The following NPAS3 variants were observed in gnomAD, a reference collection of about 807,000 sequenced individuals.
The protein encoded by NPAS3 is neuronal PAS domain protein 3.
In NPAS3, 14 loss-of-function variants were observed where a neutral mutation model predicts 73.1. That is an observed-to-expected ratio of 0.19 (90% CI 0.13 to 0.30). The LOEUF (loss-of-function observed/expected upper bound fraction) is 0.30. NPAS3 is among the 10% of genes least tolerant of loss of function. NPAS3 has a pLI of 1.00. For synonymous variants in NPAS3, 620 were observed against 541.5 expected (o/e 1.14, Z -2.01); for missense variants, 1,096 against 1,250.0 (o/e 0.88, Z 1.86).
chr14:32,967,871 A>G (rs530833275), intron 1 of NPAS3, among the ~76,000 whole-genome samples: 1 of 151,988 alleles, frequency 6.6e-6, no homozygotes, highest in African/African-American at 2.4e-5. Flanking sequence ...TATGTTGAGG[A>G]GATATCATTG....
At chr14:33,794,289 G>A (rs1258366929) in intron 10 of NPAS3, among the ~76,000 whole-genome samples, 2 of 152,136 alleles carry the variant, frequency 1.3e-5, no homozygotes, top group Non-Finnish European at 2.9e-5. Flanking sequence ...GTCAACATTT[G>A]GGCATCTCTG....
intron 3 of NPAS3, among the ~76,000 whole-genome samples, chr14:33,331,177 G>A (rs1297166642): frequency 3.3e-5 from 5 of 152,086 alleles, no homozygotes; most frequent in African/African-American, 9.7e-5. Flanking sequence ...CATCAGTACC[G>A]AGACATTTTT....
chr14:33,555,175 A>G (rs2055297365), intron 4 of NPAS3, among the ~76,000 whole-genome samples: 1 of 152,186 alleles, frequency 6.6e-6, no homozygotes, highest in Non-Finnish European at 1.5e-5. Context: ...GTCTTGATAA[A>G]TCAGATACTT....
rs1233169102 is a variant in NPAS3, at chr14:33,660,041, G to C, written c.559-16170G>C. ...TGTTCCACATGGAAGAAATGCATGAGAACAGTAAAGTGTATGCATATCACA... is the reference window on the plus strand; with the variant it reads ...TGTTCCACATGGAAGAAATGCATGACAACAGTAAAGTGTATGCATATCACA... On this transcript the variant is annotated intron_variant, in intron 5 of 11. Transcript: ENST00000356141. Among the ~76,000 whole-genome samples, 8 of 152,098 alleles carry C rather than the reference G, an allele frequency of 5.3e-5. 1 individual carries two copies. In the East Asian group the frequency reaches 1.5e-3, roughly 29 times the overall value.
At chr14:33,643,163 A>T (rs561771593) in intron 5 of NPAS3, among the ~76,000 whole-genome samples, 2 of 152,228 alleles carry the variant, frequency 1.3e-5, no homozygotes, top group East Asian at 3.9e-4. Flanking sequence ...TAGTGGTCAC[A>T]TTAGTCTTGT....
At chr14:33,474,380 A>G (rs1647176121) in intron 4 of NPAS3, among the ~76,000 whole-genome samples, 1 of 152,192 alleles carries the variant, frequency 6.6e-6, no homozygotes, top group Non-Finnish European at 1.5e-5. Flanking sequence ...CAGTATGTTT[A>G]GTAAAAATAA....
chr14:33,107,158 T>C (rs1399249872), intron 2 of NPAS3, among the ~76,000 whole-genome samples: 1 of 152,160 alleles, frequency 6.6e-6, no homozygotes, highest in Non-Finnish European at 1.5e-5. Context: ...TTCTTGTGAC[T>C]TCTTTCTTGG....
chr14:33,714,775 A>G (rs1001951278), intron 6 of NPAS3, among the ~76,000 whole-genome samples: 5 of 152,174 alleles, frequency 3.3e-5, no homozygotes, highest in African/African-American at 1.2e-4. Context: ...CTGTCATCCA[A>G]TGATCCCATA....
chr14:33,473,011 A>G (rs2050857447), intron 4 of NPAS3, among the ~76,000 whole-genome samples: 1 of 143,452 alleles, frequency 7.0e-6, no homozygotes, highest in Non-Finnish European at 1.5e-5. Flanking sequence ...GGGGAACTGT[A>G]AGCATGTTTG....
intron 4 of NPAS3, among the ~76,000 whole-genome samples, chr14:33,538,013 C>CG (rs1238520328): frequency 1.3e-5 from 2 of 151,862 alleles, no homozygotes; most frequent in Admixed American, 1.3e-4. Context: ...AGCTAAGCAT[C>CG]GGGTTGTGGT....
At chr14:32,976,431 G>T (rs758675407) in intron 1 of NPAS3, among the ~76,000 whole-genome samples, 2 of 152,098 alleles carry the variant, frequency 1.3e-5, no homozygotes, top group Non-Finnish European at 2.9e-5. Context: ...TTTTTTATTT[G>T]TGTTTTGTCA....
At chr14:33,531,802 T>A (rs537919362) in intron 4 of NPAS3, among the ~76,000 whole-genome samples, 3 of 152,256 alleles carry the variant, frequency 2.0e-5, no homozygotes, top group African/African-American at 7.2e-5. Flanking sequence ...TCCCATCAAG[T>A]GTTATTCTGC....
intron 2 of NPAS3, among the ~76,000 whole-genome samples, chr14:33,169,189 G>T (rs1336253925): frequency 6.6e-6 from 1 of 152,152 alleles, no homozygotes; most frequent in Non-Finnish European, 1.5e-5. Flanking sequence ...GCCACATTTT[G>T]TTCACTGCCA....
intron 4 of NPAS3, among the ~76,000 whole-genome samples, chr14:33,427,479 C>T (rs2048603970): frequency 6.6e-6 from 1 of 151,478 alleles, no homozygotes; most frequent in South Asian, 2.1e-4. Context: ...CATCTGTCGT[C>T]GACTTCTTTT....
intron 4 of NPAS3, among the ~76,000 whole-genome samples, chr14:33,386,556 A>C (rs1312661481): frequency 6.6e-6 from 1 of 151,790 alleles, no homozygotes; most frequent in Non-Finnish European, 1.5e-5. Flanking sequence ...TGAAATCATC[A>C]GTTCCTAATG....
At chr14:32,977,722 A>G (rs925066001) in intron 1 of NPAS3, among the ~76,000 whole-genome samples, 2 of 152,150 alleles carry the variant, frequency 1.3e-5, no homozygotes, top group African/African-American at 4.8e-5. Flanking sequence ...ACAGCAAGAC[A>G]CTGTCTCTAA....
At chr14:32,983,955 C>T (rs576344813) in intron 1 of NPAS3, among the ~76,000 whole-genome samples, 2 of 152,124 alleles carry the variant, frequency 1.3e-5, no homozygotes, top group Non-Finnish European at 2.9e-5. Context: ...CTCCTGACCT[C>T]GAGTGATCTG....
chr14:33,284,963 C>T (rs1486933791), intron 3 of NPAS3, among the ~76,000 whole-genome samples: 2 of 152,144 alleles, frequency 1.3e-5, no homozygotes, highest in Non-Finnish European at 2.9e-5. Context: ...GCTGTAACCA[C>T]TATGCTAGTG....
At chr14:33,171,305 G>C (rs959059755) in intron 2 of NPAS3, among the ~76,000 whole-genome samples, 1 of 152,128 alleles carries the variant, frequency 6.6e-6, no homozygotes, top group Non-Finnish European at 1.5e-5. Flanking sequence ...TCCATTCCTT[G>C]AGCACAGGCC....
Sources: allele counts gnomAD v4.1 joint callset (sites outside exome capture counted in the v4.1 genomes callset), GRCh38; gene constraint gnomAD v4.1.1; transcripts MANE v1.5; gene names NCBI Gene and HGNC (gene_info 2026-07-23, HGNC 2026-07-21).